Variants in NELL1 observed in about 807,000 individuals in gnomAD.
NELL1 encodes neural EGFL like 1.
A neutral mutation model predicts 107.4 loss-of-function variants in NELL1; 76 were observed. The ratio of observed to expected loss-of-function variants is 0.71; its 90% confidence interval spans 0.59 to 0.86. The LOEUF (loss-of-function observed/expected upper bound fraction) is 0.86. Ranked by LOEUF, NELL1 falls within the 40% of genes least tolerant of loss-of-function variation. The probability of loss-of-function intolerance (pLI) is 0.00; values close to 1 mark genes in which losing one functional copy is unlikely to be tolerated. For synonymous variants in NELL1, 353 were observed against 341.2 expected (o/e 1.03, Z -0.38); for missense variants, 1,024 against 1,005.5 (o/e 1.02, Z -0.25).
Position 20,971,972 on chromosome 11 carries a change from C to T in NELL1, c.1300+11412C>T, listed in dbSNP as rs548665231. Among the ~76,000 whole-genome samples the T allele has an allele frequency of 2.0e-4, 25 of 127,094 alleles. No individual in the cohort carries two copies. The East Asian group carries it at 6.5e-3, about 33-fold the overall frequency. 83.4% of individuals were successfully genotyped at this position (127,094 alleles called of 152,430 possible). Reference sequence around the variant, plus strand: ...TTCTCACTCATAAGTGGGAGTTGAACAATGAGAACACATGAGCACAGGGAG... The same window carrying T: ...TTCTCACTCATAAGTGGGAGTTGAATAATGAGAACACATGAGCACAGGGAG... On this transcript the variant is annotated intron_variant, in intron 12 of 19. Coordinates refer to ENST00000357134, the MANE Select transcript of NELL1 (RefSeq NM_006157.5).
intron 5 of NELL1, among the ~76,000 whole-genome samples, chr11:20,908,670 T>G (rs1310528451): frequency 2.0e-5 from 3 of 152,082 alleles, no homozygotes; most frequent in Non-Finnish European, 2.9e-5. Flanking sequence ...ATCCTGGAAC[T>G]TAAAGTAAAA....
intron 12 of NELL1, among the ~76,000 whole-genome samples, chr11:21,025,117 G>A (rs1307411135): frequency 1.3e-5 from 2 of 151,970 alleles, no homozygotes; most frequent in Admixed American, 1.3e-4. Context: ...TTTATTGTTG[G>A]TTAGGTTGTT....
chr11:21,225,758 T>A (rs1458599448), intron 13 of NELL1, among the ~76,000 whole-genome samples: 1 of 152,174 alleles, frequency 6.6e-6, no homozygotes, highest in Non-Finnish European at 1.5e-5. Flanking sequence ...GTAGTAGTAA[T>A]AGTAGCAGCA....
At chr11:21,368,580 A>G (rs937846408) in intron 14 of NELL1, among the ~76,000 whole-genome samples, 2 of 152,026 alleles carry the variant, frequency 1.3e-5, no homozygotes, top group African/African-American at 4.8e-5. Flanking sequence ...CAGAGCCTCC[A>G]GTTCACCATT....
chr11:21,265,991 G>A (rs1009652319), intron 14 of NELL1, among the ~76,000 whole-genome samples: 8 of 151,892 alleles, frequency 5.3e-5, no homozygotes, highest in Non-Finnish European at 1.0e-4. Flanking sequence ...GTACCCCACA[G>A]ACCTTTCAGT....
chr11:21,017,270 A>G (rs1356316913), intron 12 of NELL1, among the ~76,000 whole-genome samples: 1 of 152,142 alleles, frequency 6.6e-6, no homozygotes, highest in Non-Finnish European at 1.5e-5. Flanking sequence ...GTCATTTCCC[A>G]AGAAACTCTT....
intron 3 of NELL1, among the ~76,000 whole-genome samples, chr11:20,813,740 T>G (rs1857556709): frequency 6.6e-6 from 1 of 152,126 alleles, no homozygotes; most frequent in African/African-American, 2.4e-5. Flanking sequence ...CACAGATGAA[T>G]CTTGAGCTAA....
At chr11:21,326,071 T>G (rs144442683) in intron 14 of NELL1, among the ~76,000 whole-genome samples, 9,769 of 78,922 alleles carry the variant, frequency 0.12, 788 homozygotes, top group East Asian at 0.28. Flanking sequence ...TTTTTTTTTT[T>G]TTTTTTTTTT....
chr11:20,679,214 C>T (rs1854134187), intron 2 of NELL1, among the ~76,000 whole-genome samples: 1 of 152,168 alleles, frequency 6.6e-6, no homozygotes, highest in Non-Finnish European at 1.5e-5. Flanking sequence ...AAGTATTACT[C>T]TTGCCCATAG....
intron 14 of NELL1, among the ~76,000 whole-genome samples, chr11:21,304,172 G>A (rs1331571140): frequency 2.0e-5 from 3 of 151,962 alleles, no homozygotes; most frequent in Non-Finnish European, 4.4e-5. Context: ...TATAATACAA[G>A]TGTCGGGTAT....
intron 16 of NELL1, among the ~76,000 whole-genome samples, chr11:21,553,268 A>T (rs1407336085): frequency 6.6e-6 from 1 of 151,866 alleles, no homozygotes; most frequent in Non-Finnish European, 1.5e-5. Flanking sequence ...TTTGTCACCG[A>T]GGATTACATT....
At chr11:20,862,587 A>G (rs1848997534) in intron 4 of NELL1, among the ~76,000 whole-genome samples, 1 of 149,628 alleles carries the variant, frequency 6.7e-6, no homozygotes, top group African/African-American at 2.5e-5. Flanking sequence ...ACTGCCCTAA[A>G]AATCTTTTGA....
chr11:21,479,962 T>C (rs370598277), intron 15 of NELL1, among the ~76,000 whole-genome samples: 3 of 152,168 alleles, frequency 2.0e-5, no homozygotes, highest in Admixed American at 6.6e-5. Context: ...CCTTATCTGA[T>C]ATGGTTTCTG....
At position 20,880,118 on chromosome 11, in the gene NELL1, GC is replaced by G. The variant is rs559729789; in HGVS notation, c.507-5325del. ...ATTTTGATAATTGTCGAAATGTATG[GC>G]AAAAATAGACAATGAGTTCTTGCAT... is the stretch of plus-strand genomic sequence containing the variant. On this transcript the variant is annotated intron_variant, in intron 4 of 19. Coordinates refer to ENST00000357134, the MANE Select transcript of NELL1 (RefSeq NM_006157.5). Among the ~76,000 whole-genome samples, 7 of 152,268 alleles carry G rather than the reference GC, an allele frequency of 4.6e-5. No homozygotes were observed. In the South Asian group the frequency reaches 1.5e-3, roughly 32 times the overall value.
intron 15 of NELL1, among the ~76,000 whole-genome samples, chr11:21,505,849 A>C (rs182211998): frequency 1.3e-5 from 2 of 152,262 alleles, no homozygotes; most frequent in Admixed American, 1.3e-4. Flanking sequence ...TTGTAGGCCC[A>C]TGCTTTTTCT....
At position 20,953,207 on chromosome 11, in the gene NELL1, G is replaced by A. The variant is rs11025830; in HGVS notation, c.1171+5772G>A. Among the ~76,000 whole-genome samples, 1,218 of 152,230 alleles carry A rather than the reference G, an allele frequency of 8.0e-3. 15 individuals carry two copies. The highest frequency in any genetic ancestry group is 0.028 in the African/African-American group (1,158 of 41,534). ...AGTAGTGAATATGAGAGGTATTGAC[G>A]TTCTAAGATTTTAGAATAGAGGACT... On this transcript the variant is annotated intron_variant, in intron 11 of 19. Coordinates refer to ENST00000357134, the MANE Select transcript of NELL1 (RefSeq NM_006157.5).
chr11:21,359,378 AGCTAGTATTTTGTTGAAGATGTAT>A (rs1320746654), intron 14 of NELL1, among the ~76,000 whole-genome samples: 2 of 152,138 alleles, frequency 1.3e-5, no homozygotes, highest in African/African-American at 4.8e-5. Context: ...GGATTCTGTT[AGCTAGTATTTTGTTGAAGATGTAT>A]GCTAGTATTT....
chr11:21,269,342 G>A (rs1225018951), intron 14 of NELL1, among the ~76,000 whole-genome samples: 3 of 149,646 alleles, frequency 2.0e-5, no homozygotes, highest in Non-Finnish European at 4.4e-5. Context: ...ATGCCAAATT[G>A]CCAAATCCCT....
intron 14 of NELL1, among the ~76,000 whole-genome samples, chr11:21,272,503 C>T (rs982553672): frequency 2.0e-5 from 3 of 152,222 alleles, no homozygotes; most frequent in African/African-American, 7.2e-5. Context: ...GAAAAGTCAG[C>T]AGAATCCTCT....
Sources: allele counts gnomAD v4.1 joint callset (sites outside exome capture counted in the v4.1 genomes callset), GRCh38; gene constraint gnomAD v4.1.1; transcripts MANE v1.5; gene names NCBI Gene and HGNC (gene_info 2026-07-23, HGNC 2026-07-21).